Variants in NDOR1 observed in about 807,000 individuals in gnomAD.
NDOR1 encodes NADPH-dependent diflavin oxidoreductase 1.
In NDOR1, 61 loss-of-function variants were observed where a neutral mutation model predicts 67.2. That is an observed-to-expected ratio of 0.91 (90% CI 0.74 to 1.12). The LOEUF (loss-of-function observed/expected upper bound fraction) is 1.12, where lower values mean the gene tolerates loss of function less well. Ranked by LOEUF, NDOR1 falls within the 50% of genes most tolerant of loss-of-function variation. NDOR1 has a pLI of 0.00. For missense variants in NDOR1, 878 were observed against 802.8 expected (o/e 1.09, Z -1.13); for synonymous variants, 378 against 343.7 (o/e 1.10, Z -1.10).
chr9:137,212,771 G>A lies in NDOR1; in HGVS notation c.311+172G>A, dbSNP rs978626752. ...CCCTGGTGGGCACCCCAGGCTTCAC[G>A]CTGCGGGGAGGGCACAGAGGGGAGC... is the stretch of plus-strand genomic sequence containing the variant. On this transcript the variant is annotated intron_variant, in intron 3 of 13. Coordinates refer to ENST00000684003, the MANE Select transcript of NDOR1 (RefSeq NM_014434.4). The surrounding 1 kb of genome is among the most constrained non-coding windows in gnomAD (Gnocchi z 4.3). The A allele has an allele frequency of 1.3e-5, 8 of 626,206 alleles. No individual in the cohort carries two copies. Among genetic ancestry groups the A allele is most frequent in the East Asian group, 5.5e-5 (2 of 36,136 alleles). 38.8% of individuals were successfully genotyped at this position (626,206 alleles called of 1,614,324 possible).
Position 137,215,474 on chromosome 9 carries a change from GC to G in NDOR1, c.1243del (p.Arg415GlyfsTer39), listed in dbSNP as rs762249299. The G allele has an allele frequency of 6.2e-7, 1 of 1,601,302 alleles. No individual in the cohort carries two copies. Among genetic ancestry groups the G allele is most frequent in the Non-Finnish European group, 8.5e-7 (1 of 1,172,744 alleles). On this transcript the variant is annotated frameshift_variant, in exon 10 of 14. Transcript: ENST00000684003. LOFTEE classifies it high-confidence loss of function. ...VQFQTRLKEPRRGLCSSWLAS... is the reference protein window; with the variant it reads ...VQFQTRLKEPXRGLCSSWLAS... ...TTCCAGACTCGCCTCAAGGAGCCCC[GC>G]CGGGGCCTCTGCTCCTCCTGGCTGG... is the stretch of plus-strand genomic sequence containing the variant.
At position 137,212,559 on chromosome 9, in the gene NDOR1, G is replaced by A; in HGVS notation, c.271G>A (p.Asp91Asn). The change falls in exon 3 of 14, where the codon GAC becomes AAC. Residue 91 changes from aspartate (D) to asparagine (N), a missense_variant. Physicochemically the swap from Asp to Asn is conservative, Grantham distance 23 (BLOSUM62 1). Coordinates refer to ENST00000684003, the MANE Select transcript of NDOR1 (RefSeq NM_014434.4). The surrounding 1 kb of genome is among the most constrained non-coding windows in gnomAD (Gnocchi z 4.3). The part of the protein sequence containing the change: ...NLPSTALCQM[D>N]FAVLGLGDSS... ...GCCCTCCACTGCCCTCTGTCAGATG[G>A]ACTTTGCCGTCCTGGGCCTCGGGGA... The A allele has an allele frequency of 6.2e-7, 1 of 1,614,108 alleles. No homozygotes were observed. Among genetic ancestry groups the A allele is most frequent in the Non-Finnish European group, 8.5e-7 (1 of 1,179,984 alleles).
chr9:137,211,371 T>A (rs1266213582), intron 2 of NDOR1, among the ~76,000 whole-genome samples: 2 of 152,118 alleles, frequency 1.3e-5, no homozygotes, highest in African/African-American at 4.8e-5. Context: ...CCGGGGCATG[T>A]CACTGTGGGT....
intron 2 of NDOR1, among the ~76,000 whole-genome samples, chr9:137,208,982 G>A (rs1229322770): frequency 6.6e-6 from 1 of 152,124 alleles, no homozygotes; most frequent in African/African-American, 2.4e-5. Flanking sequence ...CCGGGTTCGC[G>A]CCATTCTCCC....
chr9:137,216,124 C>T lies in NDOR1; in HGVS notation c.1585C>T (p.Arg529Trp), dbSNP rs772586457. The T allele has an allele frequency of 1.1e-5, 18 of 1,613,560 alleles. No individual in the cohort carries two copies. In the South Asian group the frequency reaches 1.2e-4, roughly 11 times the overall value. Reference protein sequence around the residue: ...EQKVYVQHRLRELGSLVWELL... With the variant: ...EQKVYVQHRLWELGSLVWELL... ...GAAAGTATATGTGCAGCACCGGCTC[C>T]GGGAGCTGGGGTCGCTTGTGTGGGA... Residue 529 changes from arginine (R) to tryptophan (W), a missense_variant, in exon 13 of 14, where the codon CGG becomes TGG. Physicochemically the swap from Arg to Trp is moderately radical, Grantham distance 101 (BLOSUM62 -3). Transcript: ENST00000684003.
rs752290701 is a variant in NDOR1, at chr9:137,216,157, G to A, written c.1618G>A (p.Asp540Asn). Residue 540 changes from aspartate (D) to asparagine (N), a missense_variant, in exon 13 of 14, where the codon GAC (aspartate) becomes AAC (asparagine). Coordinates refer to ENST00000684003, the MANE Select transcript of NDOR1 (RefSeq NM_014434.4). ...ELGSLVWELL[D>N]RQGAYFYLAG... The stretch of plus-strand genomic sequence containing the variant: ...GGGGTCGCTTGTGTGGGAACTGCTG[G>A]ACCGCCAGGGTGCATACTTCTACCT... The A allele has an allele frequency of 6.2e-6, 10 of 1,613,586 alleles. No homozygotes were observed. In the Admixed American group the frequency reaches 1.7e-4, roughly 27 times the overall value.
Position 137,212,507 on chromosome 9 carries a change from C to T in NDOR1, c.219C>T (p.Phe73=). Residue 73 remains phenylalanine (F), a synonymous_variant, in exon 3 of 14, where the codon TTC becomes TTT. Coordinates refer to ENST00000684003, the MANE Select transcript of NDOR1 (RefSeq NM_014434.4). The surrounding 1 kb of genome is among the most constrained non-coding windows in gnomAD (Gnocchi z 4.3). ...AGAGTTTCCTCCGGCTGTAGAACTT[C>T]TGGAGGTTTATATTCCGGAAGAACC... The part of the protein sequence containing the change: ...QGDPPDNMKN[F]WRFIFRKNLP... 1 of 1,614,056 alleles carries T rather than the reference C, an allele frequency of 6.2e-7. No individual in the cohort carries two copies. Among genetic ancestry groups the T allele is most frequent in the Non-Finnish European group, 8.5e-7 (1 of 1,179,936 alleles).
chr9:137,218,018 C>G lies in NDOR1; in HGVS notation c.*1602C>G. Reference sequence around the variant, plus strand: ...AGCCATGGAGGGTGCCTGGGCCCTTCCAACCTGGAAGGAGGAGGGGAGAGA... The same window carrying G: ...AGCCATGGAGGGTGCCTGGGCCCTTGCAACCTGGAAGGAGGAGGGGAGAGA... On this transcript the variant is annotated 3_prime_UTR_variant, in exon 14 of 14. Transcript: ENST00000684003. The G allele has an allele frequency of 2.5e-6, 1 of 399,332 alleles. No homozygotes were observed. The highest frequency in any genetic ancestry group is 4.4e-6 in the Non-Finnish European group (1 of 226,558). 24.7% of individuals were successfully genotyped at this position (399,332 alleles called of 1,614,324 possible).
Position 137,213,807 on chromosome 9 carries a change from C to A in NDOR1, c.339C>A (p.His113Gln). The A allele has an allele frequency of 6.2e-7, 1 of 1,612,748 alleles. No individual in the cohort carries two copies. Among genetic ancestry groups the A allele is most frequent in the Non-Finnish European group, 8.5e-7 (1 of 1,179,658 alleles). Residue 113 changes from histidine (H) to glutamine (Q), a missense_variant, in exon 4 of 14, where the codon CAC (histidine) becomes CAA (glutamine). Transcript: ENST00000684003. ...TCAACTTCGTGGCCAAGAAGCTGCA[C>A]CGACGGCTACTGCAGCTTGGGGGCA... Reference protein sequence around the residue: ...AKFNFVAKKLHRRLLQLGGSA... With the variant: ...AKFNFVAKKLQRRLLQLGGSA...
Position 137,213,990 on chromosome 9 carries a change from G to C in NDOR1, c.434G>C (p.Trp145Ser), listed in dbSNP as rs1040078431. 13 of 1,556,556 alleles carry C rather than the reference G, an allele frequency of 8.4e-6. No individual in the cohort carries two copies. In the Admixed American group the frequency reaches 2.1e-4, roughly 26 times the overall value. Residue 145 changes from tryptophan to serine, a missense_variant, in exon 5 of 14, where the codon TGG becomes TCG. Physicochemically the swap from Trp to Ser is radical, Grantham distance 177 (BLOSUM62 -3). Transcript: ENST00000684003. ...AGGCCCGACGCTGCTGTGGACCCCT[G>C]GCTGCGAGACTTGTGGGACAGGGTT... ...ELGPDAAVDP[W>S]LRDLWDRVLG... is the part of the protein sequence containing the mutation.
In NDOR1 at chr9:137,214,432, C is replaced by G. The variant is rs569376463; in HGVS notation, c.722+19C>G. ...GCATCAGGTGGGGACTGCTGGGGACCGAGGAGGGCAAGGTGAGGTGGGCCG... is the reference window on the plus strand; with the variant it reads ...GCATCAGGTGGGGACTGCTGGGGACGGAGGAGGGCAAGGTGAGGTGGGCCG... On this transcript the variant is annotated intron_variant, in intron 6 of 13. Coordinates refer to ENST00000684003, the MANE Select transcript of NDOR1 (RefSeq NM_014434.4). 5 of 1,608,368 alleles carry G rather than the reference C, an allele frequency of 3.1e-6. No homozygotes were observed. Among genetic ancestry groups the G allele is most frequent in the East Asian group, 4.5e-5 (2 of 44,648 alleles).
rs374638174 is a variant in NDOR1, at chr9:137,212,617, C to A, written c.311+18C>A. The A allele has an allele frequency of 6.9e-6, 11 of 1,601,186 alleles. No homozygotes were observed. The African/African-American group carries it at 1.3e-4, about 20-fold the overall frequency. On this transcript the variant is annotated intron_variant, in intron 3 of 13. Transcript: ENST00000684003. The surrounding 1 kb of genome is among the most constrained non-coding windows in gnomAD (Gnocchi z 4.3). ...TACGCCAAGTGAGTAGGGGATGGGA[C>A]AGTGGGCGGACGGAACAGTTCTGGG...
At position 137,205,734 on chromosome 9, in the gene NDOR1, C is replaced by T. The variant is rs377743813; in HGVS notation, c.-44C>T. On this transcript the variant is annotated 5_prime_UTR_variant, in exon 1 of 14. Coordinates refer to ENST00000684003, the MANE Select transcript of NDOR1 (RefSeq NM_014434.4). The stretch of plus-strand genomic sequence containing the variant: ...CCTGCAACCCGGCCGGCGGGAACTG[C>T]CTTCTAGTTTTTAGTCTCAGACCAG... 14 of 1,598,776 alleles carry T rather than the reference C, an allele frequency of 8.8e-6. No homozygotes were observed. Among genetic ancestry groups the T allele is most frequent in the Middle Eastern group, 3.3e-4 (2 of 6,038 alleles).
chr9:137,210,173 G>A (rs2131367825), intron 2 of NDOR1, among the ~76,000 whole-genome samples: 1 of 152,296 alleles, frequency 6.6e-6, no homozygotes. Flanking sequence ...TACCCCCACG[G>A]GGCAAAGCTG....
chr9:137,214,742 GC>G (rs1564398998), intron 7 of NDOR1, 51 bp downstream of exon 7: 1 of 1,596,686 alleles, frequency 6.3e-7, no homozygotes, highest in East Asian at 2.2e-5. Flanking sequence ...CGTGCCCTGG[GC>G]CCCCACCCCA....
intron 10 of NDOR1, 30 bp from the exon 11 acceptor site, chr9:137,215,629 C>T (rs756630678): frequency 6.3e-7 from 1 of 1,581,924 alleles, no homozygotes; most frequent in Non-Finnish European, 8.6e-7. Flanking sequence ...GGTCTTTGAT[C>T]CTCTTCATGC....
chr9:137,210,855 A>C (rs1462790187), intron 2 of NDOR1, among the ~76,000 whole-genome samples: 1 of 152,118 alleles, frequency 6.6e-6, no homozygotes, highest in Non-Finnish European at 1.5e-5. Context: ...TCAACAACAA[A>C]AAAGGCCGGG....
rs776533765 is a variant in NDOR1, at chr9:137,212,454, C to T, written c.214-48C>T. 2.6e-6 allele frequency: 4 copies of T among 1,548,002 alleles called. No homozygotes were observed. In the African/African-American group the frequency reaches 5.4e-5, roughly 21 times the overall value. On this transcript the variant is annotated intron_variant, in intron 2 of 13. Transcript: ENST00000684003. This position sits in a 1 kb window ranked among gnomAD's most constrained non-coding sequence, Gnocchi z 4.3. ...CCTCCCCTCACCCCCTGCTGTGGGG[C>T]TAGCCTAGAGGTCGAGGACTCTGAC...
chr9:137,206,159 G>T, intron 1 of NDOR1, 73 bp from the exon 2 acceptor site: 1 of 1,576,404 alleles, frequency 6.3e-7, no homozygotes, highest in Non-Finnish European at 8.7e-7. Flanking sequence ...TAAAGGAGAA[G>T]GGGGTCAAGT....
Sources: gnomAD v4.1 joint callset for allele counts (sites outside exome capture counted in the v4.1 genomes callset) on GRCh38, gnomAD v4.1.1 for gene constraint, Gnocchi (gnomAD v3.1) non-coding constraint, MANE v1.5 for transcripts, NCBI Gene and HGNC (gene_info 2026-07-23, HGNC 2026-07-21) for gene names.